Variants in VIPR2 observed in about 807,000 individuals in gnomAD.
The protein encoded by VIPR2 is vasoactive intestinal peptide receptor 2.
VIPR2 carries 48 observed loss-of-function variants against 58.0 expected under a neutral mutation model. The observed-to-expected ratio is 0.83, with a 90% CI of 0.66 to 1.05. The LOEUF (loss-of-function observed/expected upper bound fraction) is 1.05. Ranked by LOEUF, VIPR2 falls within the 50% of genes least tolerant of loss-of-function variation. VIPR2 has a pLI of 0.00. For synonymous variants in VIPR2, 243 were observed against 235.2 expected, an observed-to-expected ratio of 1.03 and a Z score of -0.30; for missense variants, 534 against 558.0, an observed-to-expected ratio of 0.96 and a Z score of 0.43.
intron 4 of VIPR2, among the ~76,000 whole-genome samples, chr7:159,075,572 C>T (rs1443913735): frequency 6.0e-5 from 9 of 151,180 alleles, no homozygotes; most frequent in African/African-American, 1.2e-4. Flanking sequence ...CTGGCACCCA[C>T]GGACCCACTG....
chr7:159,124,067 T>C (rs1038727631), intron 2 of VIPR2, among the ~76,000 whole-genome samples: 4 of 152,238 alleles, frequency 2.6e-5, no homozygotes, highest in Admixed American at 1.3e-4. Flanking sequence ...AGGTGCATAG[T>C]TGCAAATGTT....
chr7:159,112,583 G>A (rs1437213701), intron 2 of VIPR2, among the ~76,000 whole-genome samples: 1 of 152,204 alleles, frequency 6.6e-6, no homozygotes, highest in African/African-American at 2.4e-5. Flanking sequence ...GGAGAAGCGA[G>A]AGACAGGCCA....
chr7:159,106,143 C>T (rs954020813), intron 3 of VIPR2, among the ~76,000 whole-genome samples: 1 of 152,254 alleles, frequency 6.6e-6, no homozygotes, highest in Non-Finnish European at 1.5e-5. Flanking sequence ...GCCAGGACCT[C>T]GGTGGGAGCT....
chr7:159,144,786 G>A lies in VIPR2; in HGVS notation c.-15C>T. The A allele has an allele frequency of 1.6e-6, 2 of 1,245,286 alleles. No individual in the cohort carries two copies. Among genetic ancestry groups the A allele is most frequent in the Non-Finnish European group, 2.0e-6 (2 of 996,162 alleles). 77.1% of individuals were successfully genotyped at this position (1,245,286 alleles called of 1,614,324 possible). The stretch of plus-strand genomic sequence containing the variant: ...AGCGTCCGCATCCCGAGCTCAGCGT[G>A]CCGGGGGCCGCCCAGCGCCCGCCGC... On this transcript the variant is annotated 5_prime_UTR_variant, in exon 1 of 13. Transcript: ENST00000262178.
chr7:159,104,717 C>T (rs73527849), intron 3 of VIPR2, among the ~76,000 whole-genome samples: 3,129 of 150,434 alleles, frequency 0.021, 116 homozygotes, highest in African/African-American at 0.073. Flanking sequence ...CCCTCACCAC[C>T]GACGGTGACT....
intron 5 of VIPR2, among the ~76,000 whole-genome samples, chr7:159,049,853 C>T (rs1241151721): frequency 6.6e-6 from 1 of 152,202 alleles, no homozygotes. Context: ...CTGCTTGAAA[C>T]CTGAAATGCA....
At position 159,029,486 on chromosome 7, in the gene VIPR2, ATGT is replaced by A. The variant is rs1853415112; in HGVS notation, c.*1127_*1129del. The stretch of plus-strand genomic sequence containing the variant: ...GGAGGAGGGCTTGAAACAGTTTTAT[ATGT>A]TGTTAAAATAATTCTTATCCTAAGA... On this transcript the variant is annotated 3_prime_UTR_variant, in exon 13 of 13. Transcript: ENST00000262178. 6.6e-6 allele frequency: 1 copy of A among 152,226 alleles called. No individual in the cohort carries two copies. Among genetic ancestry groups the A allele is most frequent in the African/African-American group, 2.4e-5 (1 of 41,448 alleles). The allele number at this position is 152,226 out of a possible 1,614,324, so 9.4% of individuals were successfully genotyped here.
rs112068039 is a variant in VIPR2, at chr7:159,123,602, G to C, written c.152-13683C>G. ...CTATGTCTTTGCTATTGTGAATGGAGCTGCAATGAACATTCATGTGCATGT... is the reference window on the plus strand; with the variant it reads ...CTATGTCTTTGCTATTGTGAATGGACCTGCAATGAACATTCATGTGCATGT... On this transcript the variant is annotated intron_variant, in intron 2 of 12. Coordinates refer to ENST00000262178, the MANE Select transcript of VIPR2 (RefSeq NM_003382.5). Among the ~76,000 whole-genome samples, 671 of 152,304 alleles carry C rather than the reference G, an allele frequency of 4.4e-3. 1 individual carries two copies. The highest frequency in any genetic ancestry group is 0.015 in the African/African-American group (642 of 41,556).
At chr7:159,139,493 C>T (rs945239014) in intron 2 of VIPR2, among the ~76,000 whole-genome samples, 52 of 152,176 alleles carry the variant, frequency 3.4e-4, no homozygotes, top group Admixed American at 1.3e-4. Context: ...CTGTGGCAGG[C>T]GACGTTGTTA....
At chr7:159,113,591 T>C (rs1045644771) in intron 2 of VIPR2, among the ~76,000 whole-genome samples, 1 of 152,142 alleles carries the variant, frequency 6.6e-6, no homozygotes, top group African/African-American at 2.4e-5. Flanking sequence ...GAGAGTGTTC[T>C]GGCCTGAGGT....
intron 2 of VIPR2, among the ~76,000 whole-genome samples, chr7:159,119,675 C>A (rs534488490): frequency 1.2e-3 from 182 of 152,336 alleles, no homozygotes; most frequent in African/African-American, 4.2e-3. Flanking sequence ...CAGTGGGTGC[C>A]CAGCCATGCC....
At position 159,034,238 on chromosome 7, in the gene VIPR2, C is replaced by T. The variant is rs144527581; in HGVS notation, c.946G>A (p.Gly316Ser). The change falls in exon 10 of 13, where the codon GGC (glycine) becomes AGC (serine). Residue 316 changes from glycine to serine, a missense_variant. Coordinates refer to ENST00000262178, the MANE Select transcript of VIPR2 (RefSeq NM_003382.5). ...LLQKLTSPDVGGNDQSQYKRL... is the reference protein window; with the variant it reads ...LLQKLTSPDVSGNDQSQYKRL... The stretch of plus-strand genomic sequence containing the variant: ...TTGTACTGAGACTGGTCGTTGCCGC[C>T]GACATCTGGGGATGTTAACTTCTGC... 52 of 1,614,050 alleles carry T rather than the reference C, an allele frequency of 3.2e-5. No homozygotes were observed. Among genetic ancestry groups the T allele is most frequent in the African/African-American group, 1.1e-4 (8 of 75,056 alleles).
chr7:159,065,451 G>T (rs1358610888), intron 4 of VIPR2, among the ~76,000 whole-genome samples: 1 of 152,208 alleles, frequency 6.6e-6, no homozygotes, highest in Non-Finnish European at 1.5e-5. Context: ...CGTGGCTGGA[G>T]AGTGGAGGCT....
rs368608177 is a variant in VIPR2, at chr7:159,142,484, C to T, written c.113G>A (p.Cys38Tyr). The change falls in exon 2 of 13, where the codon TGT (cysteine) becomes TAT (tyrosine). Residue 38 changes from cysteine (C) to tyrosine (Y), a missense_variant. Around this residue, in one of 3 missense-constraint regions of VIPR2, gnomAD observed 224 missense variants for 255.7 expected, o/e 0.88. Transcript: ENST00000262178. ...HLEIQEEETK[C>Y]AELLRSQTEK... ...TGTTTGAGACCTCAGAAGCTCTGCA[C>T]ATTTTGTTTCTTCCTCCTGTATTTC... 5.6e-6 allele frequency: 9 copies of T among 1,614,058 alleles called. No individual in the cohort carries two copies. The highest frequency in any genetic ancestry group is 1.1e-5 in the South Asian group (1 of 91,056).
intron 2 of VIPR2, among the ~76,000 whole-genome samples, chr7:159,132,344 C>T (rs1281666693): frequency 1.6e-4 from 23 of 139,620 alleles, no homozygotes; most frequent in Non-Finnish European, 2.4e-4. Flanking sequence ...CTGAGCTCTC[C>T]GACTCCATGG....
chr7:159,035,237 C>G (rs1335562281), intron 8 of VIPR2, among the ~76,000 whole-genome samples: 1 of 152,222 alleles, frequency 6.6e-6, no homozygotes. Flanking sequence ...TGGGTCCATG[C>G]TTTCCCTCGG....
chr7:159,142,442 T>C lies in VIPR2; in HGVS notation c.151+4A>G. ...AGTTCTTACTCACCAAGCCTCTGCC[T>C]TACCTTTGTGTTTTTCTGTTTGAGA... On this transcript the variant is annotated splice_donor_region_variant and intron_variant, in intron 2 of 12. Transcript: ENST00000262178. 1 of 1,612,646 alleles carries C rather than the reference T, an allele frequency of 6.2e-7. No individual in the cohort carries two copies. Among genetic ancestry groups the C allele is most frequent in the Non-Finnish European group, 8.5e-7 (1 of 1,178,802 alleles).
intron 2 of VIPR2, among the ~76,000 whole-genome samples, chr7:159,113,286 C>T (rs572296105): frequency 2.0e-5 from 3 of 151,084 alleles, no homozygotes; most frequent in African/African-American, 7.3e-5. Context: ...TGTGAAACTT[C>T]CCGGTCTGTT....
intron 2 of VIPR2, among the ~76,000 whole-genome samples, chr7:159,121,517 C>T (rs910392198): frequency 6.6e-6 from 1 of 152,154 alleles, no homozygotes; most frequent in Non-Finnish European, 1.5e-5. Context: ...GGTACCCGTG[C>T]GTGGGATACA....
Sources: allele counts gnomAD v4.1 joint callset (sites outside exome capture counted in the v4.1 genomes callset), GRCh38; gene constraint gnomAD v4.1.1; regional missense constraint gnomAD v4.1.1; transcripts MANE v1.5; gene names NCBI Gene and HGNC (gene_info 2026-07-23, HGNC 2026-07-21).